The following SETD1A variants were observed in gnomAD, a reference collection of about 807,000 sequenced individuals.
SETD1A encodes the protein SET domain containing 1A, histone lysine methyltransferase, also known as histone-lysine N-methyltransferase SETD1A.
A neutral mutation model predicts 149.9 loss-of-function variants in SETD1A; 29 were observed. The ratio of observed to expected loss-of-function variants is 0.19; its 90% CI spans 0.14 to 0.26. The LOEUF (loss-of-function observed/expected upper bound fraction) is 0.26. Ranked by LOEUF, SETD1A falls within the 10% of genes least tolerant of loss-of-function variation. The probability of loss-of-function intolerance (pLI) is 1.00; values close to 1 mark genes in which losing one functional copy is unlikely to be tolerated. For missense variants in SETD1A, 2,109 were observed against 2,353.1 expected (o/e 0.90, Z 2.15); for synonymous variants, 1,141 against 968.5 (o/e 1.18, Z -3.31).
At chr16:30,962,750 C>T (rs1041390712) in intron 4 of SETD1A, among the ~76,000 whole-genome samples, 4 of 152,212 alleles carry the variant, frequency 2.6e-5, no homozygotes, top group African/African-American at 9.6e-5. Context: ...AGCTCGAGAC[C>T]AGCCTGGTCA....
At position 30,983,673 on chromosome 16, in the gene SETD1A, G is replaced by A. The variant is rs375435050; in HGVS notation, c.4851G>A (p.Glu1617=). 22 of 1,613,810 alleles carry A rather than the reference G, an allele frequency of 1.4e-5. No homozygotes were observed. The African/African-American group carries it at 1.9e-4, about 14-fold the overall frequency. ...TGCGGGAGAAGCGCTACGTGCAGGA[G>A]GGCATTGGCAGCAGCTACCTGTTCC... ...ADMREKRYVQ[E]GIGSSYLFRV... is the part of the protein sequence containing the mutation. Residue 1617 remains glutamate, a synonymous_variant, in exon 18 of 19, where the codon GAG becomes GAA. Coordinates refer to ENST00000262519, the MANE Select transcript of SETD1A (RefSeq NM_014712.3). This position sits in a 1 kb window ranked among gnomAD's most constrained non-coding sequence, Gnocchi z 6.8.
At chr16:30,968,908 C>G (rs1183137935) in intron 10 of SETD1A, among the ~76,000 whole-genome samples, 1 of 152,066 alleles carries the variant, frequency 6.6e-6, no homozygotes, top group East Asian at 1.9e-4. Flanking sequence ...AGTTCAATAC[C>G]AGCCTGAGCA....
At position 30,966,015 on chromosome 16, in the gene SETD1A, G is replaced by A. The variant is rs1396600817; in HGVS notation, c.2134G>A (p.Gly712Arg). The A allele has an allele frequency of 1.3e-6, 2 of 1,569,562 alleles. No individual in the cohort carries two copies. The highest frequency in any genetic ancestry group is 3.7e-5 in the Admixed American group (2 of 54,426). Residue 712 changes from glycine (G) to arginine (R), a missense_variant, in exon 8 of 19, where the codon GGG becomes AGG. Coordinates refer to ENST00000262519, the MANE Select transcript of SETD1A (RefSeq NM_014712.3). Reference protein sequence around the residue: ...ASAGPPGGAFGEAFLPFPPPQ... With the variant: ...ASAGPPGGAFREAFLPFPPPQ... ...AGCTGGCCCCCCCGGTGGGGCCTTTGGGGAGGCCTTCCTCCCGTTTCCACC... is the reference window on the plus strand; with the variant it reads ...AGCTGGCCCCCCCGGTGGGGCCTTTAGGGAGGCCTTCCTCCCGTTTCCACC...
chr16:30,982,480 G>A lies in SETD1A; in HGVS notation c.4813-1155G>A, dbSNP rs140574145. Among the ~76,000 whole-genome samples the A allele has an allele frequency of 1.7e-3, 256 of 150,316 alleles. 2 individuals carry two copies. Among genetic ancestry groups the A allele is most frequent in the Admixed American group, 0.011 (160 of 15,058 alleles). On this transcript the variant is annotated intron_variant, in intron 17 of 18. Transcript: ENST00000262519. ...CGCGCCATTGCACTCCAGCCTGGGC[G>A]ACAGAGCAAGACTCCGTCTCAAAAA...
At chr16:30,971,284 A>T in intron 12 of SETD1A, 94 bp from the exon 13 acceptor site, 1 of 1,316,262 alleles carries the variant, frequency 7.6e-7, no homozygotes, top group African/African-American at 1.5e-5. Context: ...CCTAGCCCAG[A>T]GCCCAGCATC....
intron 17 of SETD1A, 132 bp downstream of exon 17, chr16:30,981,312 C>T: frequency 6.8e-6 from 8 of 1,175,158 alleles, no homozygotes; most frequent in South Asian, 1.4e-5. Context: ...TGAGACCAGC[C>T]TCCCTCCGGT....
intron 5 of SETD1A, 90 bp from the exon 6 acceptor site, chr16:30,964,004 A>C: frequency 9.7e-7 from 1 of 1,029,318 alleles, no homozygotes; most frequent in East Asian, 2.4e-5. Context: ...AAAAAAAAAA[A>C]GGGAACTAGG....
intron 4 of SETD1A, among the ~76,000 whole-genome samples, chr16:30,962,948 T>A (rs1013227932): frequency 2.6e-5 from 4 of 152,256 alleles, no homozygotes; most frequent in Non-Finnish European, 4.4e-5. Context: ...GGTTTTTAAA[T>A]ACCATGTTTC....
At chr16:30,972,891 G>A (rs7204459) in intron 13 of SETD1A, among the ~76,000 whole-genome samples, 80,358 of 151,792 alleles carry the variant, frequency 0.53, 23,664 homozygotes, top group East Asian at 0.91. Flanking sequence ...GAAAACCTGT[G>A]GTTACGAACC....
intron 2 of SETD1A, 53 bp downstream of exon 2, chr16:30,958,934 C>T (rs1223683387): frequency 1.0e-5 from 16 of 1,603,592 alleles, no homozygotes; most frequent in Admixed American, 1.7e-5. Flanking sequence ...CGCCCGTCCT[C>T]TGTGATTCTG....
chr16:30,963,895 G>A (rs1339797932), intron 5 of SETD1A, among the ~76,000 whole-genome samples, 199 bp from the exon 6 acceptor site: 1 of 152,126 alleles, frequency 6.6e-6, no homozygotes, highest in African/African-American at 2.4e-5. Flanking sequence ...GGGAGGCTGA[G>A]GCAGGAGAAT....
At position 30,965,072 on chromosome 16, in the gene SETD1A, G is replaced by A. The variant is rs745869079; in HGVS notation, c.1330G>A (p.Gly444Arg). The A allele has an allele frequency of 1.6e-5, 25 of 1,611,074 alleles. No homozygotes were observed. The highest frequency in any genetic ancestry group is 5.0e-5 in the Admixed American group (3 of 59,926). ...PPEPPEPGGG[G>R]GGGGPSPERE... ...GGAGCCTCCAGAACCTGGTGGAGGC[G>A]GGGGTGGAGGAGGGCCCAGCCCTGA... Residue 444 changes from glycine to arginine, a missense_variant, in exon 7 of 19, where the codon GGG (glycine) becomes AGG (arginine). Physicochemically the swap from Gly to Arg is moderately radical, Grantham distance 125. Transcript: ENST00000262519.
chr16:30,974,989 A>C (rs993025787), intron 13 of SETD1A, among the ~76,000 whole-genome samples: 1 of 152,116 alleles, frequency 6.6e-6, no homozygotes, highest in African/African-American at 2.4e-5. Context: ...TCTACTAAAA[A>C]TACAAAAACT....
Position 30,965,768 on chromosome 16 carries a change from A to G in SETD1A, c.1887A>G (p.Gln629=), listed in dbSNP as rs758811965. ...ASLPLGYPPH[Q]PAYLLPPRPD... ...TTCCTCTTGGTTATCCTCCCCACCA[A>G]CCTGCCTACCTCCTCCCACCCAGAC... Residue 629 remains glutamine (Q), a synonymous_variant, in exon 8 of 19, where the codon CAA becomes CAG. Transcript: ENST00000262519. 2 of 1,561,236 alleles carry G rather than the reference A, an allele frequency of 1.3e-6. No individual in the cohort carries two copies. Among genetic ancestry groups the G allele is most frequent in the Admixed American group, 1.8e-5 (1 of 56,134 alleles).
Position 30,981,045 on chromosome 16 carries a change from C to T in SETD1A, c.4693-16C>T. On this transcript the variant is annotated splice_polypyrimidine_tract_variant and intron_variant, in intron 16 of 18. Coordinates refer to ENST00000262519, the MANE Select transcript of SETD1A (RefSeq NM_014712.3). ...TGGGAGGTGTCTGGCAGTTGAGTCTCCCTTCTGCCCCCCAGTTCCGGAAGA... is the reference window on the plus strand; with the variant it reads ...TGGGAGGTGTCTGGCAGTTGAGTCTTCCTTCTGCCCCCCAGTTCCGGAAGA... 1 of 1,613,864 alleles carries T rather than the reference C, an allele frequency of 6.2e-7. No individual in the cohort carries two copies. Among genetic ancestry groups the T allele is most frequent in the Non-Finnish European group, 8.5e-7 (1 of 1,179,812 alleles).
chr16:30,966,467 C>G, intron 8 of SETD1A, 81 bp downstream of exon 8: 2 of 1,487,424 alleles, frequency 1.3e-6, no homozygotes, highest in South Asian at 2.8e-5. Context: ...CTGCACAGCT[C>G]AGAGGAGACA....
chr16:30,980,669 CCCG>C lies in SETD1A; in HGVS notation c.4581+20_4581+22del. 2.5e-6 allele frequency: 4 copies of C among 1,610,510 alleles called. No homozygotes were observed. Among genetic ancestry groups the C allele is most frequent in the Non-Finnish European group, 3.4e-6 (4 of 1,179,144 alleles). ...GCGTGGACACTCAGGTGGGCCTAAC[CCCG>C]CCGCCGCGTCCTCCTGCCACTCACT... On this transcript the variant is annotated intron_variant, in intron 15 of 18. Coordinates refer to ENST00000262519, the MANE Select transcript of SETD1A (RefSeq NM_014712.3). This position sits in a 1 kb window ranked among gnomAD's most constrained non-coding sequence, Gnocchi z 7.7.
intron 13 of SETD1A, among the ~76,000 whole-genome samples, chr16:30,977,999 G>A (rs1423477156): frequency 6.6e-6 from 1 of 151,988 alleles, no homozygotes; most frequent in African/African-American, 2.4e-5. Context: ...CCCTCTGCTG[G>A]GTACAGTGGC....
rs757649877 is a variant in SETD1A at position 30,979,227 on chromosome 16, C to T, written c.3441C>T (p.Pro1147=). ...PAGPPAPAPR[P]DERPSSPIPL... is the part of the protein sequence containing the mutation. ...GGCCCCCGGCCCCTGCCCCACGCCC[C>T]GATGAGCGTCCCTCTTCTCCCATCC... The change falls in exon 14 of 19, where the codon CCC becomes CCT. Residue 1147 remains proline, a synonymous_variant. Coordinates refer to ENST00000262519, the MANE Select transcript of SETD1A (RefSeq NM_014712.3). 1.6e-5 allele frequency: 25 copies of T among 1,596,128 alleles called. No homozygotes were observed. Among genetic ancestry groups the T allele is most frequent in the East Asian group, 6.8e-5 (3 of 44,122 alleles).
Sources: allele counts gnomAD v4.1 joint callset (sites outside exome capture counted in the v4.1 genomes callset), GRCh38; gene constraint gnomAD v4.1.1; non-coding constraint Gnocchi (gnomAD v3.1); transcripts MANE v1.5; gene names NCBI Gene and HGNC (gene_info 2026-07-23, HGNC 2026-07-21).